Variants in PALLD observed in about 807,000 individuals in gnomAD.
PALLD encodes palladin, cytoskeletal associated protein.
A neutral mutation model predicts 123.5 loss-of-function variants in PALLD; 61 were observed. The observed-to-expected ratio is 0.49, with a 90% confidence interval of 0.40 to 0.61. PALLD has a LOEUF of 0.61. Ranked by LOEUF, PALLD falls within the 20% of genes least tolerant of loss-of-function variation. PALLD has a pLI of 0.00. For missense variants in PALLD, 1,273 were observed against 1,377.0 expected, an observed-to-expected ratio of 0.92 and a Z score of 1.20; for synonymous variants, 465 against 496.4, an observed-to-expected ratio of 0.94 and a Z score of 0.84.
intron 10 of PALLD, among the ~76,000 whole-genome samples, chr4:168,733,824 T>C (rs2150317226): frequency 6.6e-6 from 1 of 152,296 alleles, no homozygotes; most frequent in South Asian, 2.1e-4. Flanking sequence ...AAGCTCCGCC[T>C]CCCAGGTTCA....
At chr4:168,780,111 C>A (rs576405235) in intron 10 of PALLD, among the ~76,000 whole-genome samples, 2 of 152,224 alleles carry the variant, frequency 1.3e-5, no homozygotes, top group South Asian at 4.1e-4. Context: ...GTTAGCCAGG[C>A]TGGTCTCGAA....
In PALLD at chr4:168,533,878, A is replaced by T. The variant is rs562380293; in HGVS notation, c.908+21466A>T. On this transcript the variant is annotated intron_variant, in intron 2 of 21. Coordinates refer to ENST00000505667, the MANE Select transcript of PALLD (RefSeq NM_001166108.2). Reference sequence around the variant, plus strand: ...AAGGAGGACATTTTCTCCAAAAAGGAGAAGGATTTGCCACATTGACGAAGA... The same window carrying T: ...AAGGAGGACATTTTCTCCAAAAAGGTGAAGGATTTGCCACATTGACGAAGA... 8.5e-5 allele frequency among the ~76,000 whole-genome samples: 13 copies of T among 152,312 alleles called. No individual in the cohort carries two copies. In the East Asian group the frequency reaches 1.9e-3, roughly 23 times the overall value.
At chr4:168,784,337 AAGAG>A (rs914828387) in intron 10 of PALLD, among the ~76,000 whole-genome samples, 13 of 152,180 alleles carry the variant, frequency 8.5e-5, no homozygotes, top group East Asian at 3.9e-4. Flanking sequence ...TGAAAAAAAA[AAGAG>A]AGAGAGAGAG....
chr4:168,888,170 A>G (rs569218020), intron 10 of PALLD, among the ~76,000 whole-genome samples: 1 of 152,330 alleles, frequency 6.6e-6, no homozygotes, highest in African/African-American at 2.4e-5. Flanking sequence ...GAAGTTATAA[A>G]TAATTCCTAT....
intron 9 of PALLD, 123 bp from the exon 10 acceptor site, chr4:168,711,458 C>A: frequency 1.3e-6 from 1 of 769,326 alleles, no homozygotes; most frequent in Non-Finnish European, 2.3e-6. Context: ...GAGAGCAGCA[C>A]AATCACCTCT....
chr4:168,716,040 G>GTTT (rs1785338192), intron 10 of PALLD, among the ~76,000 whole-genome samples: 1 of 152,162 alleles, frequency 6.6e-6, no homozygotes, highest in Admixed American at 6.5e-5. Context: ...AATGTGGTAG[G>GTTT]CGATTTGCCA....
rs998055213 is a variant in PALLD, at chr4:168,749,422, A to G, written c.1964+37499A>G. 6.9e-5 allele frequency among the ~76,000 whole-genome samples: 10 copies of G among 144,310 alleles called. No homozygotes were observed. The East Asian group carries it at 1.5e-3, about 21-fold the overall frequency. 94.7% of individuals were successfully genotyped at this position (144,310 alleles called of 152,430 possible). ...TATCACCTTTAAAAAAAAAAAAAAA[A>G]TTGGTCAAGAGCAGTGGCTCACGCC... On this transcript the variant is annotated intron_variant, in intron 10 of 21. Coordinates refer to ENST00000505667, the MANE Select transcript of PALLD (RefSeq NM_001166108.2).
intron 8 of PALLD, among the ~76,000 whole-genome samples, chr4:168,708,298 C>A (rs79286602): frequency 6.6e-6 from 1 of 152,204 alleles, no homozygotes; most frequent in Non-Finnish European, 1.5e-5. Context: ...ATCCCCCTCA[C>A]AATAACCGTG....
At chr4:168,617,224 G>A (rs1774315104) in intron 2 of PALLD, among the ~76,000 whole-genome samples, 1 of 152,160 alleles carries the variant, frequency 6.6e-6, no homozygotes, top group African/African-American at 2.4e-5. Flanking sequence ...ATAAATGTCT[G>A]CCTGGTTTAA....
At chr4:168,843,877 G>A (rs766102352) in intron 10 of PALLD, 8 of 152,160 alleles carry the variant, frequency 5.3e-5, no homozygotes, top group African/African-American at 1.7e-4. Flanking sequence ...TTGAACTTCC[G>A]TGCCAAATTT....
chr4:168,623,202 C>A (rs1774925602), intron 2 of PALLD, among the ~76,000 whole-genome samples: 1 of 152,206 alleles, frequency 6.6e-6, no homozygotes, highest in Admixed American at 6.5e-5. Flanking sequence ...CTCTGCCAAA[C>A]TCACAGTACT....
chr4:168,563,221 T>C lies in PALLD; in HGVS notation c.908+50809T>C, dbSNP rs559026588. ...TGTTTTAGACATGTTAAGTTGGAGA[T>C]ACCTATTAGGCATCTGACTAGTGAT... On this transcript the variant is annotated intron_variant, in intron 2 of 21. Transcript: ENST00000505667. 2.1e-4 allele frequency among the ~76,000 whole-genome samples: 32 copies of C among 152,218 alleles called. No homozygotes were observed. The South Asian group carries it at 6.4e-3, about 31-fold the overall frequency.
At chr4:168,650,603 G>A (rs1777942844) in intron 2 of PALLD, among the ~76,000 whole-genome samples, 1 of 152,144 alleles carries the variant, frequency 6.6e-6, no homozygotes, top group Admixed American at 6.5e-5. Flanking sequence ...AAATGAAACT[G>A]CTGGGTCAAT....
intron 10 of PALLD, among the ~76,000 whole-genome samples, chr4:168,872,516 T>C (rs2151087262): frequency 6.6e-6 from 1 of 152,368 alleles, no homozygotes; most frequent in South Asian, 2.1e-4. Context: ...CAGTAATCAA[T>C]TTTAATTCTA....
intron 12 of PALLD, 57 bp downstream of exon 12, chr4:168,894,734 C>G: frequency 6.3e-7 from 1 of 1,581,346 alleles, no homozygotes; most frequent in Non-Finnish European, 8.6e-7. Flanking sequence ...CCTTTTCCAT[C>G]TTCCTTATGG....
At chr4:168,905,894 GGTTCA>G (rs1255096709) in intron 15 of PALLD, among the ~76,000 whole-genome samples, 1 of 150,558 alleles carries the variant, frequency 6.6e-6, no homozygotes, top group Non-Finnish European at 1.5e-5. Context: ...CCACCTCCTG[GGTTCA>G]AGCAATTCTT....
At chr4:168,712,950 C>T (rs947682560) in intron 10 of PALLD, among the ~76,000 whole-genome samples, 2 of 152,146 alleles carry the variant, frequency 1.3e-5, no homozygotes, top group Non-Finnish European at 2.9e-5. Flanking sequence ...TAACACCTTA[C>T]CTTTGTACAT....
At chr4:168,752,469 G>A (rs1197957731) in intron 10 of PALLD, among the ~76,000 whole-genome samples, 2 of 152,168 alleles carry the variant, frequency 1.3e-5, no homozygotes, top group Non-Finnish European at 2.9e-5. Flanking sequence ...TTGATAAAAG[G>A]CAGATGTTGC....
At chr4:168,817,400 T>C (rs1270711800) in intron 10 of PALLD, among the ~76,000 whole-genome samples, 1 of 152,226 alleles carries the variant, frequency 6.6e-6, no homozygotes, top group East Asian at 1.9e-4. Flanking sequence ...CACTGAATTA[T>C]AACTGTATCC....
Sources: gnomAD v4.1 joint callset for allele counts (sites outside exome capture counted in the v4.1 genomes callset) on GRCh38, gnomAD v4.1.1 for gene constraint, MANE v1.5 for transcripts, NCBI Gene and HGNC (gene_info 2026-07-23, HGNC 2026-07-21) for gene names.